Variants in SVOP observed in about 807,000 individuals in gnomAD.
The protein encoded by SVOP is SV2 related protein.
Under a neutral mutation model 69.1 loss-of-function variants are expected in SVOP, and 17 were observed. That is an observed-to-expected ratio of 0.25 (90% CI 0.17 to 0.37). The LOEUF (loss-of-function observed/expected upper bound fraction) is 0.37. Ranked by LOEUF, SVOP falls within the 10% of genes least tolerant of loss-of-function variation. SVOP has a pLI of 1.00. For synonymous variants in SVOP, 238 were observed against 238.6 expected (o/e 1.00, Z 0.02); for missense variants, 435 against 597.5 (o/e 0.73, Z 2.84).
intron 6 of SVOP, among the ~76,000 whole-genome samples, chr12:108,957,444 G>T (rs879592255): frequency 3.3e-5 from 5 of 152,154 alleles, no homozygotes; most frequent in Admixed American, 3.3e-4. Flanking sequence ...GATTACAGAC[G>T]TGAGCCACCG....
At chr12:109,020,617 A>C (rs1414069402) in intron 1 of SVOP, among the ~76,000 whole-genome samples, 2 of 151,892 alleles carry the variant, frequency 1.3e-5, no homozygotes, top group African/African-American at 4.8e-5. Flanking sequence ...TAAGGTCCTG[A>C]CAGATCTGAT....
At chr12:108,966,942 T>C (rs2040049118) in intron 5 of SVOP, among the ~76,000 whole-genome samples, 1 of 127,126 alleles carries the variant, frequency 7.9e-6, no homozygotes, top group Non-Finnish European at 1.7e-5. Flanking sequence ...TTGGCAGTGG[T>C]ATAATAATAG....
chr12:108,945,302 A>C, intron 6 of SVOP, 136 bp from the exon 7 acceptor site: 1 of 795,526 alleles, frequency 1.3e-6, no homozygotes, highest in Non-Finnish European at 2.0e-6. Context: ...TCCTGAGATG[A>C]TGTTGGTTAA....
intron 9 of SVOP, among the ~76,000 whole-genome samples, chr12:108,937,553 G>A (rs919080927): frequency 2.0e-5 from 3 of 152,088 alleles, no homozygotes; most frequent in Non-Finnish European, 4.4e-5. Flanking sequence ...ATCCCCACAG[G>A]ATGGATCTCA....
intron 1 of SVOP, among the ~76,000 whole-genome samples, chr12:109,012,764 C>T (rs545060154): frequency 6.6e-6 from 1 of 152,142 alleles, no homozygotes; most frequent in South Asian, 2.1e-4. Context: ...CCCGTCTCTA[C>T]CAAAAATATA....
chr12:108,912,118 G>A lies in SVOP; in HGVS notation c.*417C>T. On this transcript the variant is annotated 3_prime_UTR_variant, in exon 16 of 16. Coordinates refer to ENST00000610966, the MANE Select transcript of SVOP (RefSeq NM_018711.5). ...GCTGTGAGTGTGGGAGAAACCTACT[G>A]AACAGGTCCGGTGGGTGGACAGCAG... 1.0e-6 allele frequency: 1 copy of A among 963,282 alleles called. No homozygotes were observed. Among genetic ancestry groups the A allele is most frequent in the Non-Finnish European group, 1.3e-6 (1 of 799,006 alleles). 59.7% of individuals were successfully genotyped at this position (963,282 alleles called of 1,614,324 possible).
intron 10 of SVOP, among the ~76,000 whole-genome samples, chr12:108,935,088 C>A (rs561153246): frequency 2.0e-5 from 3 of 152,320 alleles, no homozygotes; most frequent in African/African-American, 7.2e-5. Flanking sequence ...ACCTCCAAGG[C>A]TGTCTACCCA....
intron 6 of SVOP, among the ~76,000 whole-genome samples, chr12:108,949,333 G>A (rs984012887): frequency 5.3e-5 from 8 of 151,666 alleles, no homozygotes; most frequent in African/African-American, 1.2e-4. Flanking sequence ...GCAGTGGTGC[G>A]ATCTCAGGCT....
In SVOP at chr12:108,909,698, C is replaced by G. The variant is rs539758172; in HGVS notation, c.*2837G>C. ...CAGAATACTTGAAGTACGAGAAAAA[C>G]AGAAATATATAGCTCTGGCTACATT... On this transcript the variant is annotated 3_prime_UTR_variant, in exon 16 of 16. Coordinates refer to ENST00000610966, the MANE Select transcript of SVOP (RefSeq NM_018711.5). The G allele has an allele frequency of 4.4e-4, 67 of 152,220 alleles. No homozygotes were observed. The highest frequency in any genetic ancestry group is 1.5e-3 in the African/African-American group (63 of 41,538). 9.4% of individuals were successfully genotyped at this position (152,220 alleles called of 1,614,324 possible). A position where few individuals can be genotyped will look rare whatever the true frequency, so the allele number is the denominator to read the frequency against.
intron 1 of SVOP, among the ~76,000 whole-genome samples, chr12:109,003,762 C>T (rs528983981): frequency 2.6e-5 from 4 of 152,202 alleles, no homozygotes; most frequent in South Asian, 2.1e-4. Flanking sequence ...CGTTTGCCAC[C>T]GTATCCAGCC....
At position 108,922,710 on chromosome 12, in the gene SVOP, G is replaced by A. The variant is rs1404452279; in HGVS notation, c.1136C>T (p.Thr379Ile). The A allele has an allele frequency of 6.2e-7, 1 of 1,610,160 alleles. No homozygotes were observed. The highest frequency in any genetic ancestry group is 1.1e-5 in the South Asian group (1 of 89,766). The stretch of plus-strand genomic sequence containing the variant: ...CTCACCTGGAAACTCAGAGAGGGTG[G>A]TCCACAGCAAGTCCATGTAATCCTC... Reference protein sequence around the residue: ...SEEDYMDLLWTTLSEFPGVLV... With the variant: ...SEEDYMDLLWITLSEFPGVLV... Residue 379 changes from threonine to isoleucine, a missense_variant, in exon 12 of 16, where the codon ACC (threonine) becomes ATC (isoleucine). Transcript: ENST00000610966.
At chr12:108,997,633 C>G (rs1354044945) in intron 1 of SVOP, among the ~76,000 whole-genome samples, 38 of 151,584 alleles carry the variant, frequency 2.5e-4, no homozygotes, top group Non-Finnish European at 1.5e-5. Flanking sequence ...CAGACTGCCT[C>G]CTCAAGTGGG....
At position 109,013,304 on chromosome 12, in the gene SVOP, A is replaced by C. The variant is rs558878486; in HGVS notation, c.35+7530T>G. Among the ~76,000 whole-genome samples the C allele has an allele frequency of 1.2e-4, 18 of 152,324 alleles. No homozygotes were observed. The South Asian group carries it at 3.5e-3, about 30-fold the overall frequency. On this transcript the variant is annotated intron_variant, in intron 1 of 15. Coordinates refer to ENST00000610966, the MANE Select transcript of SVOP (RefSeq NM_018711.5). ...TGCTATGAAAAAAAGAAAAAGGAGA[A>C]TATGGTATTGGAGGATAGAGGAAGA...
chr12:108,967,213 G>T (rs2040050431), intron 5 of SVOP, among the ~76,000 whole-genome samples: 1 of 152,100 alleles, frequency 6.6e-6, no homozygotes, highest in Non-Finnish European at 1.5e-5. Flanking sequence ...TTGAAATGAG[G>T]GCTGAGGCCA....
chr12:108,977,712 C>A (rs372667171), intron 3 of SVOP, among the ~76,000 whole-genome samples: 1 of 152,128 alleles, frequency 6.6e-6, no homozygotes, highest in Non-Finnish European at 1.5e-5. Context: ...ATATTATTTT[C>A]GTGTGTGGTT....
At chr12:108,961,996 AAAGGCAGTTTCC>A (rs1288448642) in intron 5 of SVOP, among the ~76,000 whole-genome samples, 1 of 152,244 alleles carries the variant, frequency 6.6e-6, no homozygotes, top group Non-Finnish European at 1.5e-5. Flanking sequence ...AACATAATAT[AAAGGCAGTTTCC>A]TGTGCGGGCA....
intron 12 of SVOP, among the ~76,000 whole-genome samples, chr12:108,920,931 A>G (rs2039744913): frequency 6.6e-6 from 1 of 152,204 alleles, no homozygotes; most frequent in Non-Finnish European, 1.5e-5. Context: ...TTAGTCATCA[A>G]AACGATCCTC....
intron 11 of SVOP, among the ~76,000 whole-genome samples, chr12:108,930,480 C>T (rs1448308127): frequency 1.4e-5 from 2 of 146,856 alleles, no homozygotes; most frequent in African/African-American, 5.1e-5. Flanking sequence ...CTTTGTTGCC[C>T]AGGCTGGAGT....
intron 5 of SVOP, among the ~76,000 whole-genome samples, chr12:108,965,009 T>A (rs916869128): frequency 2.0e-5 from 3 of 152,228 alleles, no homozygotes; most frequent in African/African-American, 7.2e-5. Context: ...GAACACATGC[T>A]GTGTAGCCAG....
Sources: allele counts gnomAD v4.1 joint callset (sites outside exome capture counted in the v4.1 genomes callset), GRCh38; gene constraint gnomAD v4.1.1; transcripts MANE v1.5; gene names NCBI Gene and HGNC (gene_info 2026-07-23, HGNC 2026-07-21).